Variants in SYS1 observed in about 807,000 individuals in gnomAD.
The protein encoded by SYS1 is SYS1 golgi trafficking protein.
In SYS1, 8 loss-of-function variants were observed where a neutral mutation model predicts 17.8. The ratio of observed to expected loss-of-function variants is 0.45; its 90% CI spans 0.26 to 0.81. The LOEUF is 0.81. Ranked by LOEUF, SYS1 falls within the 40% of genes least tolerant of loss-of-function variation. The probability of loss-of-function intolerance (pLI) is 0.16; values close to 1 mark genes in which losing one functional copy is unlikely to be tolerated. For missense variants in SYS1, 161 were observed against 203.9 expected (o/e 0.79, Z 1.28); for synonymous variants, 95 against 90.9 (o/e 1.05, Z -0.26).
rs756629410 is a variant in SYS1 at position 45,363,652 on chromosome 20, G to C, written c.121G>C (p.Val41Leu). The C allele has an allele frequency of 1.9e-6, 3 of 1,576,420 alleles. No individual in the cohort carries two copies. The highest frequency in any genetic ancestry group is 2.6e-6 in the Non-Finnish European group (3 of 1,162,472). The change falls in exon 2 of 4, where the codon GTG becomes CTG. Residue 41 changes from valine (V) to leucine (L), a missense_variant. Coordinates refer to ENST00000243918, the MANE Select transcript of SYS1 (RefSeq NM_033542.4). ...GLWLALVDGLVRSSPSLDQMF... is the reference protein window; with the variant it reads ...GLWLALVDGLLRSSPSLDQMF... ...GTGGCTGGCGCTGGTGGACGGGCTA[G>C]TGCGAAGCAGCCCCTCGCTGGACCA...
At chr20:45,363,044 A>G, upstream of SYS1, 4 of 928,146 alleles carry the variant, frequency 4.3e-6, no homozygotes, top group Non-Finnish European at 5.2e-6. Flanking sequence ...GCATGTGCTC[A>G]GTTCGCTATC....
At chr20:45,375,553 C>G (rs768421746) in exon 4 of SYS1, 2 of 1,603,008 alleles carry the variant, frequency 1.2e-6, no homozygotes, top group South Asian at 2.2e-5. Flanking sequence ...ACTGTTTTCC[C>G]TGGCAGGGAG....
At chr20:45,373,820 A>AC, downstream of SYS1, 1 of 1,321,148 alleles carries the variant, frequency 7.6e-7, no homozygotes, top group Non-Finnish European at 1.1e-6. Flanking sequence ...GGCTCCCTCT[A>AC]CCGAAGGCCT....
chr20:45,374,171 A>T (rs1184425879), downstream of SYS1: 2 of 684,452 alleles, frequency 2.9e-6, no homozygotes, highest in East Asian at 2.7e-5. Context: ...CCCGGTGGGC[A>T]CTCACCCCCT....
downstream of SYS1, chr20:45,374,123 G>A (rs1988644464): frequency 1.0e-6 from 1 of 978,314 alleles, no homozygotes; most frequent in Non-Finnish European, 1.6e-6. Context: ...GGTTGGAAAT[G>A]CCTTTGCTAA....
In SYS1 at chr20:45,368,057, C is replaced by T; in HGVS notation, c.*942C>T. The T allele has an allele frequency of 1.0e-6, 1 of 985,476 alleles. No individual in the cohort carries two copies. Among genetic ancestry groups the T allele is most frequent in the Non-Finnish European group, 1.2e-6 (1 of 830,002 alleles). 61.0% of individuals were successfully genotyped at this position (985,476 alleles called of 1,614,324 possible). ...AAGATTTTTCTTTGGGGTGGAGTTT[C>T]CTCTGTGAGGGGCTTGCAGCTATCC... On this transcript the variant is annotated 3_prime_UTR_variant, in exon 4 of 4. Transcript: ENST00000243918.
At chr20:45,373,829 C>T, downstream of SYS1, 5 of 1,426,832 alleles carry the variant, frequency 3.5e-6, no homozygotes, top group Non-Finnish European at 4.9e-6. Context: ...TACCGAAGGC[C>T]TCTTTCCTTC....
In SYS1 at chr20:45,365,693, A is replaced by G. The variant is rs1227062703; in HGVS notation, c.230+7A>G. On this transcript the variant is annotated splice_region_variant and intron_variant, in intron 3 of 3. Coordinates refer to ENST00000243918, the MANE Select transcript of SYS1 (RefSeq NM_033542.4). ...TCCTCAACGCCCTCACCTGGTGAGT[A>G]TCACCAGTTTTGCTATCCAGCTTTT... is the stretch of plus-strand genomic sequence containing the variant. 6.2e-7 allele frequency: 1 copy of G among 1,613,142 alleles called. No homozygotes were observed. Among genetic ancestry groups the G allele is most frequent in the East Asian group, 2.2e-5 (1 of 44,888 alleles).
exon 4 of SYS1, chr20:45,375,630 CAG>C: frequency 6.6e-7 from 1 of 1,514,078 alleles, no homozygotes; most frequent in South Asian, 1.3e-5. Flanking sequence ...GTAGCCAGCT[CAG>C]GGGAGCCTGT....
chr20:45,374,250 T>G, intron 3 of SYS1: 1 of 693,932 alleles, frequency 1.4e-6, no homozygotes, highest in Non-Finnish European at 2.6e-6. Context: ...GCTAAGGAAC[T>G]TTCTGCTCAG....
downstream of SYS1, among the ~76,000 whole-genome samples, chr20:45,369,596 CTTTTTTTTTT>C (rs573922300): frequency 7.8e-5 from 8 of 102,878 alleles, no homozygotes; most frequent in Non-Finnish European, 7.4e-5. Context: ...CAGAGATTTC[CTTTTTTTTTT>C]TTTTTTTTTT....
chr20:45,367,362 G>A lies in SYS1; in HGVS notation c.*247G>A. On this transcript the variant is annotated 3_prime_UTR_variant, in exon 4 of 4. Coordinates refer to ENST00000243918, the MANE Select transcript of SYS1 (RefSeq NM_033542.4). Reference sequence around the variant, plus strand: ...AGGTCAGGAAGGGGACCTCTTTGAGGGTAATAACAGAATTGGAACCATGCC... The same window carrying A: ...AGGTCAGGAAGGGGACCTCTTTGAGAGTAATAACAGAATTGGAACCATGCC... 7.4e-7 allele frequency: 1 copy of A among 1,347,252 alleles called. No individual in the cohort carries two copies. 83.5% of individuals were successfully genotyped at this position (1,347,252 alleles called of 1,614,324 possible). A position where few individuals can be genotyped will look rare whatever the true frequency, so the allele number is the denominator to read the frequency against.
downstream of SYS1, chr20:45,369,351 G>C (rs778311708): frequency 2.0e-5 from 3 of 152,126 alleles, no homozygotes; most frequent in Non-Finnish European, 2.9e-5. Context: ...CTTTTTAGGA[G>C]CTGGCAGAGC....
intron 1 of SYS1, 62 bp from the exon 2 acceptor site, chr20:45,363,467 G>C (rs1020262840): frequency 6.6e-7 from 1 of 1,521,004 alleles, no homozygotes; most frequent in Admixed American, 2.0e-5. Context: ...CCCTCCTCCC[G>C]GGCGGGGCGA....
exon 4 of SYS1, chr20:45,374,837 C>G: frequency 1.5e-6 from 1 of 645,338 alleles, no homozygotes. Flanking sequence ...TATCCTGAGA[C>G]GCCTCAACCT....
At chr20:45,375,597 C>A (rs1373303149) in exon 4 of SYS1, 2 of 1,559,042 alleles carry the variant, frequency 1.3e-6, no homozygotes, top group Non-Finnish European at 1.7e-6. Context: ...GACCGAGGCC[C>A]TGGTTCCCGA....
upstream of SYS1, among the ~76,000 whole-genome samples, chr20:45,362,538 G>C (rs908801084): frequency 6.6e-6 from 1 of 152,004 alleles, no homozygotes; most frequent in East Asian, 1.9e-4. Context: ...CGCTAATTTT[G>C]TATTTTTAGC....
chr20:45,365,294 A>G (rs2743424), intron 2 of SYS1: 323,909 of 416,286 alleles, frequency 0.78, 126,862 homozygotes, highest in African/African-American at 0.85. Context: ...AGCAGATGCC[A>G]GGCCTATGGA....
At chr20:45,374,935 C>T in exon 4 of SYS1, 1 of 1,474,862 alleles carries the variant, frequency 6.8e-7, no homozygotes, top group South Asian at 1.3e-5. Context: ...CAGCCACACA[C>T]CACTCAAGAC....
Sources: allele counts gnomAD v4.1 joint callset (sites outside exome capture counted in the v4.1 genomes callset), GRCh38; gene constraint gnomAD v4.1.1; transcripts MANE v1.5; gene names NCBI Gene and HGNC (gene_info 2026-07-23, HGNC 2026-07-21).